DOCK9: variants seen among roughly 807,000 people sequenced by gnomAD.
DOCK9 encodes dedicator of cytokinesis 9.
A neutral mutation model predicts 263.3 loss-of-function variants in DOCK9; 89 were observed. The observed-to-expected ratio is 0.34, with a 90% CI of 0.28 to 0.40. The LOEUF is 0.40. DOCK9 is among the 10% of genes least tolerant of loss of function. The pLI is 1.00. For missense variants in DOCK9, 2,140 were observed against 2,603.4 expected, an observed-to-expected ratio of 0.82 and a Z score of 3.87; for synonymous variants, 976 against 973.1, an observed-to-expected ratio of 1.00 and a Z score of -0.06.
At chr13:98,966,087 C>T (rs1158250101) in intron 1 of DOCK9, among the ~76,000 whole-genome samples, 4 of 152,232 alleles carry the variant, frequency 2.6e-5, no homozygotes, top group Non-Finnish European at 5.9e-5. Flanking sequence ...AACTCCTCGC[C>T]TGCCGTCGTC....
chr13:98,877,794 T>G (rs930598623), intron 27 of DOCK9, among the ~76,000 whole-genome samples: 2 of 152,192 alleles, frequency 1.3e-5, no homozygotes, highest in African/African-American at 4.8e-5. Context: ...TTTGTAATCC[T>G]TGGCACCTCA....
chr13:98,913,157 TG>T (rs35161010), intron 9 of DOCK9, among the ~76,000 whole-genome samples: 19 of 152,180 alleles, frequency 1.2e-4, no homozygotes, highest in Non-Finnish European at 2.4e-4. Flanking sequence ...AGAACAGCCA[TG>T]TTGTCTTAAA....
At chr13:99,023,732 G>C (rs1020217857) in intron 1 of DOCK9, among the ~76,000 whole-genome samples, 2 of 152,204 alleles carry the variant, frequency 1.3e-5, no homozygotes, top group African/African-American at 4.8e-5. Flanking sequence ...TGTAAGACCA[G>C]AAAAACGAGG....
intron 1 of DOCK9, chr13:99,086,122 G>A (rs2042330715): frequency 2.2e-6 from 3 of 1,353,898 alleles, no homozygotes; most frequent in Non-Finnish European, 1.9e-6. Context: ...AGGGTCGGCC[G>A]CTCTGCCTCA....
chr13:98,916,472 A>G (rs2050906505), intron 7 of DOCK9, among the ~76,000 whole-genome samples: 1 of 152,174 alleles, frequency 6.6e-6, no homozygotes, highest in African/African-American at 2.4e-5. Flanking sequence ...CTAAAATCCT[A>G]CTGGGTTATC....
intron 2 of DOCK9, among the ~76,000 whole-genome samples, chr13:98,935,360 T>G (rs1428567461): frequency 6.6e-6 from 1 of 152,232 alleles, no homozygotes; most frequent in Non-Finnish European, 1.5e-5. Context: ...GAATTCTTAC[T>G]GATCTTGAAT....
At chr13:98,921,993 G>A (rs150218520) in intron 6 of DOCK9, 58 bp downstream of exon 6, 57 of 1,364,904 alleles carry the variant, frequency 4.2e-5, no homozygotes, top group Admixed American at 6.0e-5. Flanking sequence ...CATTGTTCTC[G>A]AGCTCTATGG....
At chr13:98,970,606 T>C (rs2059642077) in intron 1 of DOCK9, among the ~76,000 whole-genome samples, 1 of 152,164 alleles carries the variant, frequency 6.6e-6, no homozygotes, top group African/African-American at 2.4e-5. Flanking sequence ...CCCGGGAACC[T>C]GGCAGAGCCC....
chr13:98,829,466 T>A lies in DOCK9; in HGVS notation c.4806A>T (p.Leu1602=), dbSNP rs2092675674. The part of the protein sequence containing the change: ...KDLTKRIRTV[L]MATAQMKEHE... Reference sequence around the variant, plus strand: ...GCTCCTTCATCTGGGCGGTGGCCATTAGCACCGTGCGTATCCTTTTGGTTA... The same window carrying A: ...GCTCCTTCATCTGGGCGGTGGCCATAAGCACCGTGCGTATCCTTTTGGTTA... The change falls in exon 43 of 53, where the codon CTA becomes CTT. Residue 1602 remains leucine (L), a synonymous_variant. Coordinates refer to ENST00000682017, the MANE Select transcript of DOCK9 (RefSeq NM_001366683.2). This position sits in a 1 kb window ranked among gnomAD's most constrained non-coding sequence, Gnocchi z 4.1. 1 of 1,613,826 alleles carries A rather than the reference T, an allele frequency of 6.2e-7. No homozygotes were observed. The highest frequency in any genetic ancestry group is 1.1e-5 in the South Asian group (1 of 91,028).
At chr13:99,044,179 G>A (rs1888741627) in intron 1 of DOCK9, among the ~76,000 whole-genome samples, 1 of 152,164 alleles carries the variant, frequency 6.6e-6, no homozygotes, top group Non-Finnish European at 1.5e-5. Context: ...GAAAGCCAGG[G>A]CCAACCCTGT....
chr13:98,879,187 G>A (rs1039594458), intron 27 of DOCK9, among the ~76,000 whole-genome samples: 5 of 152,164 alleles, frequency 3.3e-5, no homozygotes, highest in African/African-American at 1.2e-4. Context: ...CAGAGAGCCT[G>A]AGGTGGCCAA....
At chr13:98,811,353 C>G (rs1338301822) in intron 45 of DOCK9, among the ~76,000 whole-genome samples, 1 of 151,138 alleles carries the variant, frequency 6.6e-6, no homozygotes, top group African/African-American at 2.4e-5. Flanking sequence ...TCTTTATATA[C>G]TGTGGATAAA....
chr13:98,856,881 GTGC>G (rs1423392729), intron 33 of DOCK9: 1 of 152,146 alleles, frequency 6.6e-6, no homozygotes, highest in Admixed American at 6.5e-5. Flanking sequence ...GACACTAAGG[GTGC>G]TGTGAACGGG....
chr13:99,047,517 CTTT>C (rs80048308), intron 1 of DOCK9, among the ~76,000 whole-genome samples: 3 of 126,998 alleles, frequency 2.4e-5, no homozygotes, highest in Non-Finnish European at 1.6e-5. Flanking sequence ...GGTTCTAATC[CTTT>C]TTTTTTTTTT....
At chr13:99,016,477 C>T (rs1025775656) in intron 1 of DOCK9, among the ~76,000 whole-genome samples, 2 of 152,202 alleles carry the variant, frequency 1.3e-5, no homozygotes, top group Non-Finnish European at 2.9e-5. Context: ...CCCAGTCTGG[C>T]TAGATGCATG....
intron 1 of DOCK9, among the ~76,000 whole-genome samples, chr13:99,085,407 TCCA>T (rs1194097465): frequency 6.6e-6 from 1 of 152,226 alleles, no homozygotes; most frequent in Non-Finnish European, 1.5e-5. Context: ...TCCCGCACCA[TCCA>T]GGTGAATCGG....
At chr13:98,858,746 A>C (rs2093769211) in intron 33 of DOCK9, 1 of 152,232 alleles carries the variant, frequency 6.6e-6, no homozygotes, top group African/African-American at 2.4e-5. Flanking sequence ...AGTTTCAAGT[A>C]CTTTTCACAG....
At chr13:98,834,663 A>G (rs1405618261) in intron 39 of DOCK9, 1 of 152,252 alleles carries the variant, frequency 6.6e-6, no homozygotes, top group Non-Finnish European at 1.5e-5. Context: ...GATTGTGTTA[A>G]TAATAGACAT....
chr13:99,074,693 A>C (rs950743388), intron 1 of DOCK9, among the ~76,000 whole-genome samples: 2 of 152,234 alleles, frequency 1.3e-5, no homozygotes, highest in African/African-American at 4.8e-5. Context: ...AACAACTCAG[A>C]AACTGCCTCT....
Sources: gnomAD v4.1 joint callset for allele counts (sites outside exome capture counted in the v4.1 genomes callset) on GRCh38, gnomAD v4.1.1 for gene constraint, Gnocchi (gnomAD v3.1) non-coding constraint, MANE v1.5 for transcripts, NCBI Gene and HGNC (gene_info 2026-07-23, HGNC 2026-07-21) for gene names.